The following THUMPD3 variants were observed in gnomAD, a reference collection of about 807,000 sequenced individuals.
THUMPD3 encodes tRNA (guanine(6)-N(2))-methyltransferase THUMP3.
Under a neutral mutation model 54.5 loss-of-function variants are expected in THUMPD3, and 44 were observed. That is an observed-to-expected ratio of 0.81 (90% CI 0.63 to 1.04). THUMPD3 has a LOEUF of 1.04. THUMPD3 is among the 50% of genes least tolerant of loss of function. The pLI is 0.00. For synonymous variants in THUMPD3, 196 were observed against 201.4 expected (o/e 0.97, Z 0.23); for missense variants, 604 against 601.3 (o/e 1.00, Z -0.05).
Position 9,385,451 on chromosome 3 carries a change from T to C in THUMPD3, c.*763T>C, listed in dbSNP as rs1439631366. ...TCAACCTGAAGGAATGAAGCATTAT[T>C]ACATTTTGTGAATGGTGTTCAGCCT... On this transcript the variant is annotated 3_prime_UTR_variant, in exon 10 of 10. Transcript: ENST00000452837. The C allele has an allele frequency of 6.6e-6, 1 of 152,228 alleles. No individual in the cohort carries two copies. The highest frequency in any genetic ancestry group is 1.9e-4 in the East Asian group (1 of 5,194). The allele number at this position is 152,228 out of a possible 1,614,324, so 9.4% of individuals were successfully genotyped here.
chr3:9,382,580 A>G (rs1227575793), intron 7 of THUMPD3, among the ~76,000 whole-genome samples: 2 of 152,058 alleles, frequency 1.3e-5, no homozygotes, highest in East Asian at 1.9e-4. Flanking sequence ...ACATCACCCC[A>G]TTATCTATTC....
intron 1 of THUMPD3, among the ~76,000 whole-genome samples, chr3:9,364,703 G>C (rs1033860231): frequency 2.0e-5 from 3 of 152,254 alleles, no homozygotes; most frequent in Admixed American, 2.0e-4. Flanking sequence ...AAATGGATTT[G>C]AATGTGATCT....
In THUMPD3 at chr3:9,384,966, C is replaced by T; in HGVS notation, c.*278C>T. The T allele has an allele frequency of 3.1e-6, 1 of 326,194 alleles. No individual in the cohort carries two copies. The highest frequency in any genetic ancestry group is 6.6e-5 in the East Asian group (1 of 15,052). 20.2% of individuals were successfully genotyped at this position (326,194 alleles called of 1,614,324 possible). A position where few individuals can be genotyped will look rare whatever the true frequency, so the allele number is the denominator to read the frequency against. ...ACCAGCCTGGCCAACATGGTGAAACCCTGTCTCTACTAGAAATACAAAAAT... is the reference window on the plus strand; with the variant it reads ...ACCAGCCTGGCCAACATGGTGAAACTCTGTCTCTACTAGAAATACAAAAAT... On this transcript the variant is annotated 3_prime_UTR_variant, in exon 10 of 10. Transcript: ENST00000452837.
In THUMPD3 at chr3:9,365,099, C is replaced by T. The variant is rs1367177576; in HGVS notation, c.31C>T (p.Leu11Phe). The change falls in exon 2 of 10, where the codon CTC becomes TTC. Residue 11 changes from leucine (L) to phenylalanine (F), a missense_variant. Coordinates refer to ENST00000452837, the MANE Select transcript of THUMPD3 (RefSeq NM_001114092.2). The stretch of plus-strand genomic sequence containing the variant: ...TGACATTGAAGAAGCCACTAACCAA[C>T]TCCTAGATGTGAACCTTCATGAGAA... MCDIEEATNQLLDVNLHENQK... is the reference protein window; with the variant it reads MCDIEEATNQFLDVNLHENQK... 3.1e-6 allele frequency: 5 copies of T among 1,614,200 alleles called. No homozygotes were observed. The East Asian group carries it at 8.9e-5, about 29-fold the overall frequency.
At chr3:9,373,614 T>A (rs926367098) in intron 4 of THUMPD3, among the ~76,000 whole-genome samples, 1 of 152,242 alleles carries the variant, frequency 6.6e-6, no homozygotes, top group African/African-American at 2.4e-5. Flanking sequence ...ATGTGTAGAA[T>A]AGTGCTTTGC....
At chr3:9,368,458 G>A (rs886480330) in intron 3 of THUMPD3, among the ~76,000 whole-genome samples, 1 of 151,524 alleles carries the variant, frequency 6.6e-6, no homozygotes, top group African/African-American at 2.4e-5. Flanking sequence ...TGCCACCTGG[G>A]TTCAAGCGAT....
Position 9,365,279 on chromosome 3 carries a change from G to A in THUMPD3, c.211G>A (p.Gly71Ser), listed in dbSNP as rs2031444400. Residue 71 changes from glycine (G) to serine (S), a missense_variant, in exon 2 of 10, where the codon GGC becomes AGC. Physicochemically the swap from Gly to Ser is moderately conservative, Grantham distance 56. Coordinates refer to ENST00000452837, the MANE Select transcript of THUMPD3 (RefSeq NM_001114092.2). ...ATCATGCAAAATCAGCAGAGACCGTGGCAAGATATATTTTGTCATTTCAGT... is the reference window on the plus strand; with the variant it reads ...ATCATGCAAAATCAGCAGAGACCGTAGCAAGATATATTTTGTCATTTCAGT... ...GSSCKISRDR[G>S]KIYFVISVES... 2 of 1,614,084 alleles carry A rather than the reference G, an allele frequency of 1.2e-6. No individual in the cohort carries two copies. The highest frequency in any genetic ancestry group is 3.3e-5 in the Admixed American group (2 of 60,000).
In THUMPD3 at chr3:9,371,306, A is replaced by G; in HGVS notation, c.577A>G (p.Ile193Val). 1 of 1,614,140 alleles carries G rather than the reference A, an allele frequency of 6.2e-7. No individual in the cohort carries two copies. Among genetic ancestry groups the G allele is most frequent in the African/African-American group, 1.3e-5 (1 of 75,052 alleles). The change falls in exon 4 of 10, where the codon ATC becomes GTC. Residue 193 changes from isoleucine (I) to valine (V), a missense_variant. Transcript: ENST00000452837. ...HILDYYENPA[I>V]KEDVSTLIGD... Reference sequence around the variant, plus strand: ...CTTAGATTATTATGAAAATCCAGCCATCAAAGAGGATGTATCAACATTAAT... The same window carrying G: ...CTTAGATTATTATGAAAATCCAGCCGTCAAAGAGGATGTATCAACATTAAT...
intron 4 of THUMPD3, among the ~76,000 whole-genome samples, chr3:9,372,038 G>C (rs980569662): frequency 6.6e-6 from 1 of 152,082 alleles, no homozygotes; most frequent in African/African-American, 2.4e-5. Flanking sequence ...ACCACACCTG[G>C]CTAATTTTTG....
chr3:9,384,775 A>G lies in THUMPD3; in HGVS notation c.*87A>G. The stretch of plus-strand genomic sequence containing the variant: ...AGGAAAAAAGTATTAACAAAACTGC[A>G]GTCTGCACTCTTTAAACCTGTTTAA... On this transcript the variant is annotated 3_prime_UTR_variant, in exon 10 of 10. Transcript: ENST00000452837. The G allele has an allele frequency of 6.8e-7, 1 of 1,472,018 alleles. No individual in the cohort carries two copies. The highest frequency in any genetic ancestry group is 9.4e-7 in the Non-Finnish European group (1 of 1,068,700). The allele number at this position is 1,472,018 out of a possible 1,614,324, so 91.2% of individuals were successfully genotyped here. A position where few individuals can be genotyped will look rare whatever the true frequency, so the allele number is the denominator to read the frequency against.
chr3:9,386,744 A>G lies in THUMPD3; in HGVS notation c.*2056A>G, dbSNP rs570326439. The G allele has an allele frequency of 6.6e-6, 1 of 152,278 alleles. No homozygotes were observed. Among genetic ancestry groups the G allele is most frequent in the South Asian group, 2.1e-4 (1 of 4,824 alleles). 9.4% of individuals were successfully genotyped at this position (152,278 alleles called of 1,614,324 possible). A position where few individuals can be genotyped will look rare whatever the true frequency, so the allele number is the denominator to read the frequency against. On this transcript the variant is annotated 3_prime_UTR_variant, in exon 10 of 10. Transcript: ENST00000452837. ...CCTTCAAAGTGGGTCTCCTGGACTA[A>G]AAGAATGTGAAAAGATGGGGAAATA...
chr3:9,365,996 C>T (rs2031533428), intron 2 of THUMPD3, among the ~76,000 whole-genome samples: 1 of 152,010 alleles, frequency 6.6e-6, no homozygotes. Flanking sequence ...ATGTGGGCTG[C>T]TCAACCTGTA....
At chr3:9,364,400 G>A (rs2031301164) in intron 1 of THUMPD3, among the ~76,000 whole-genome samples, 1 of 151,820 alleles carries the variant, frequency 6.6e-6, no homozygotes, top group Non-Finnish European at 1.5e-5. Context: ...CAGCCGGAGT[G>A]CAGTGGCATG....
chr3:9,371,492 GATTATT>G lies in THUMPD3; in HGVS notation c.764_769del (p.Asp255_Phe257delinsVal). ...AAGAGATTTTGGGGGTGCTGTTCAA[GATTATT>G]TTAAGTGGAAGGCCGACATGACCAA... is the stretch of plus-strand genomic sequence containing the variant. On this transcript the variant is annotated inframe_deletion, in exon 4 of 10. Transcript: ENST00000452837. 6.2e-7 allele frequency: 1 copy of G among 1,614,018 alleles called. No homozygotes were observed. The highest frequency in any genetic ancestry group is 1.1e-5 in the South Asian group (1 of 91,052).
At position 9,383,826 on chromosome 3, in the gene THUMPD3, T is replaced by C. The variant is rs150669002; in HGVS notation, c.1236-386T>C. On this transcript the variant is annotated intron_variant, in intron 8 of 9. Transcript: ENST00000452837. ...TTTAAAAGACAGGGTTTCACCATATTGGCCAGGCTGGTCTCAAACTCCTGA... is the reference window on the plus strand; with the variant it reads ...TTTAAAAGACAGGGTTTCACCATATCGGCCAGGCTGGTCTCAAACTCCTGA... Among the ~76,000 whole-genome samples the C allele has an allele frequency of 7.0e-3, 1,065 of 152,314 alleles. 7 individuals carry two copies. The highest frequency in any genetic ancestry group is 0.011 in the Non-Finnish European group (725 of 68,020).
rs2033220037 is a variant in THUMPD3, at chr3:9,384,808, C to T, written c.*120C>T. Reference sequence around the variant, plus strand: ...CTCTTTAAACCTGTTTAAGGCTCTTCATCCTGGTTAGCAAAAGGTGTGAAT... The same window carrying T: ...CTCTTTAAACCTGTTTAAGGCTCTTTATCCTGGTTAGCAAAAGGTGTGAAT... On this transcript the variant is annotated 3_prime_UTR_variant, in exon 10 of 10. Coordinates refer to ENST00000452837, the MANE Select transcript of THUMPD3 (RefSeq NM_001114092.2). 1 of 1,163,880 alleles carries T rather than the reference C, an allele frequency of 8.6e-7. No individual in the cohort carries two copies. Among genetic ancestry groups the T allele is most frequent in the Non-Finnish European group, 1.2e-6 (1 of 827,294 alleles). 72.1% of individuals were successfully genotyped at this position (1,163,880 alleles called of 1,614,324 possible). A position where few individuals can be genotyped will look rare whatever the true frequency, so the allele number is the denominator to read the frequency against.
rs1260599500 is a variant in THUMPD3, at chr3:9,385,751, TTTG to T, written c.*1067_*1069del. ...ACCAAACACAAACCTGTCAAGAGTATTTGTTGGCTAGTTTCTTAAAAGGCCAAG... is the reference window on the plus strand; with the variant it reads ...ACCAAACACAAACCTGTCAAGAGTATTTGGCTAGTTTCTTAAAAGGCCAAG... On this transcript the variant is annotated 3_prime_UTR_variant, in exon 10 of 10. Coordinates refer to ENST00000452837, the MANE Select transcript of THUMPD3 (RefSeq NM_001114092.2). 1.3e-5 allele frequency: 2 copies of T among 152,196 alleles called. No homozygotes were observed. Among genetic ancestry groups the T allele is most frequent in the African/African-American group, 4.8e-5 (2 of 41,440 alleles). 9.4% of individuals were successfully genotyped at this position (152,196 alleles called of 1,614,324 possible).
At chr3:9,376,662 A>G (rs1364802168) in intron 5 of THUMPD3, among the ~76,000 whole-genome samples, 1 of 152,208 alleles carries the variant, frequency 6.6e-6, no homozygotes, top group Non-Finnish European at 1.5e-5. Flanking sequence ...GGAGATAAAT[A>G]GTTATCATAC....
In THUMPD3 at chr3:9,384,560, G is replaced by C. The variant is rs1030463899; in HGVS notation, c.1396G>C (p.Asp466His). The change falls in exon 10 of 10, where the codon GAT (aspartate) becomes CAT (histidine). Residue 466 changes from aspartate to histidine, a missense_variant. Coordinates refer to ENST00000452837, the MANE Select transcript of THUMPD3 (RefSeq NM_001114092.2). ...SGMRHVWRKV[D>H]TVWVNVGGLR... ...AATGCGACACGTATGGCGAAAGGTGGATACAGTCTGGGTGAACGTTGGTGG... is the reference window on the plus strand; with the variant it reads ...AATGCGACACGTATGGCGAAAGGTGCATACAGTCTGGGTGAACGTTGGTGG... The C allele has an allele frequency of 6.2e-7, 1 of 1,614,186 alleles. No homozygotes were observed. The highest frequency in any genetic ancestry group is 1.3e-5 in the African/African-American group (1 of 75,022).
Sources: gnomAD v4.1 joint callset for allele counts (sites outside exome capture counted in the v4.1 genomes callset) on GRCh38, gnomAD v4.1.1 for gene constraint, MANE v1.5 for transcripts, NCBI Gene and HGNC (gene_info 2026-07-23, HGNC 2026-07-21) for gene names.